Variants in KCTD3 observed in about 807,000 individuals in gnomAD.
KCTD3 encodes the protein BTB/POZ domain-containing protein KCTD3.
KCTD3 carries 41 observed loss-of-function variants against 85.8 expected under a neutral mutation model. That is an observed-to-expected ratio of 0.48 (90% CI 0.37 to 0.62). The LOEUF (loss-of-function observed/expected upper bound fraction) is 0.62. Among genes scored for constraint, KCTD3 ranks in the 20% least tolerant of loss-of-function variants. The pLI is 0.00. For missense variants in KCTD3, 724 were observed against 989.9 expected, an observed-to-expected ratio of 0.73 and a Z score of 3.60; for synonymous variants, 338 against 345.4, an observed-to-expected ratio of 0.98 and a Z score of 0.24.
chr1:215,579,151 A>G lies in KCTD3; in HGVS notation c.535+14A>G. On this transcript the variant is annotated intron_variant, in intron 7 of 17. Transcript: ENST00000259154. The stretch of plus-strand genomic sequence containing the variant: ...CTGTTAGGCTAGGTAAGCAAAGATT[A>G]CAGAAATAGAAAAAGAAAAATACGT... 1 of 1,605,494 alleles carries G rather than the reference A, an allele frequency of 6.2e-7. No individual in the cohort carries two copies. Among genetic ancestry groups the G allele is most frequent in the Non-Finnish European group, 8.5e-7 (1 of 1,175,066 alleles).
rs1655103308 is a variant in KCTD3, at chr1:215,608,148, A to G, written c.1441A>G (p.Ser481Gly). ...CCTGGAGGAGACAGAAAGTCATGGT[A>G]GCTATTCCTCTGGAAATGACATAGG... ...LSLEETESHG[S>G]YSSGNDIGPF... The change falls in exon 14 of 18, where the codon AGC becomes GGC. Residue 481 changes from serine (S) to glycine (G), a missense_variant. Physicochemically the swap from Ser to Gly is moderately conservative, Grantham distance 56 (BLOSUM62 0). This residue lies in a region of KCTD3 where 136 missense variants were observed against 197.6 expected (regional missense o/e 0.69). Transcript: ENST00000259154. The G allele has an allele frequency of 1.9e-6, 3 of 1,611,136 alleles. No individual in the cohort carries two copies. Among genetic ancestry groups the G allele is most frequent in the Non-Finnish European group, 2.5e-6 (3 of 1,178,450 alleles).
At chr1:215,611,407 T>G (rs1655231975) in intron 14 of KCTD3, among the ~76,000 whole-genome samples, 1 of 151,972 alleles carries the variant, frequency 6.6e-6, no homozygotes, top group Non-Finnish European at 1.5e-5. Context: ...ACTTTATATT[T>G]TAAGATTTTG....
At position 215,577,696 on chromosome 1, in the gene KCTD3, A is replaced by T; in HGVS notation, c.284A>T (p.His95Leu). ...GGAGTGAGTATTAATGTTCTCAGGC[A>T]TGAAGCAGAATTTTACGGGATCACT... is the stretch of plus-strand genomic sequence containing the variant. ...LRGVSINVLR[H>L]EAEFYGITPL... The change falls in exon 5 of 18, where the codon CAT becomes CTT. Residue 95 changes from histidine to leucine, a missense_variant. This residue lies in a region of KCTD3 where 17 missense variants were observed against 40.4 expected (regional missense o/e 0.42). Coordinates refer to ENST00000259154, the MANE Select transcript of KCTD3 (RefSeq NM_016121.5). 1 of 1,601,236 alleles carries T rather than the reference A, an allele frequency of 6.2e-7. No individual in the cohort carries two copies. Among genetic ancestry groups the T allele is most frequent in the Non-Finnish European group, 8.6e-7 (1 of 1,168,436 alleles).
At position 215,574,138 on chromosome 1, in the gene KCTD3, A is replaced by T; in HGVS notation, c.183+20A>T. On this transcript the variant is annotated intron_variant, in intron 3 of 17. Transcript: ENST00000259154. Reference sequence around the variant, plus strand: ...GGTGCTGTGAGTATAATAATAATTGATACATATTCCTAAATTAATGCTTAT... The same window carrying T: ...GGTGCTGTGAGTATAATAATAATTGTTACATATTCCTAAATTAATGCTTAT... 1 of 1,486,754 alleles carries T rather than the reference A, an allele frequency of 6.7e-7. No homozygotes were observed. 92.1% of individuals were successfully genotyped at this position (1,486,754 alleles called of 1,614,324 possible).
Position 215,616,901 on chromosome 1 carries a change from T to C in KCTD3, c.1563-1985T>C, listed in dbSNP as rs183510954. 2.6e-3 allele frequency among the ~76,000 whole-genome samples: 399 copies of C among 152,368 alleles called. 1 individual carries two copies. Among genetic ancestry groups the C allele is most frequent in the African/African-American group, 9.2e-3 (381 of 41,592 alleles). ...TCTTTTTGTATGCCAATGAGTTGAC[T>C]GATGGCAGGTCACCAGAAAGACCAA... On this transcript the variant is annotated intron_variant, in intron 15 of 17. Transcript: ENST00000259154.
At chr1:215,619,103 A>G in intron 16 of KCTD3, 33 bp downstream of exon 16, 1 of 1,608,480 alleles carries the variant, frequency 6.2e-7, no homozygotes, top group Non-Finnish European at 8.5e-7. Flanking sequence ...GTTTGTCACA[A>G]GGTTAAGCTT....
rs776153201 is a variant in KCTD3 at position 215,619,153 on chromosome 1, A to G, written c.1748A>G (p.Asp583Gly). The G allele has an allele frequency of 6.8e-6, 11 of 1,613,506 alleles. No homozygotes were observed. The highest frequency in any genetic ancestry group is 9.3e-6 in the Non-Finnish European group (11 of 1,179,718). Residue 583 changes from aspartate (D) to glycine (G), a missense_variant and splice_region_variant, in exon 17 of 18, where the codon GAT becomes GGT. Asp to Gly is a moderately conservative substitution (Grantham distance 94). This residue lies in a region of KCTD3 where 136 missense variants were observed against 197.6 expected (regional missense o/e 0.69). Transcript: ENST00000259154. The stretch of plus-strand genomic sequence containing the variant: ...TTTAATGACTATTTGTTCTCCTAAG[A>G]TGTAGGTGGTCCAACCGAAGAAGAG... Reference protein sequence around the residue: ...MDMVNKSEDKDVGGPTEEELL... With the variant: ...MDMVNKSEDKGVGGPTEEELL...
In KCTD3 at chr1:215,608,058, C is replaced by T. The variant is rs762609457; in HGVS notation, c.1351C>T (p.Arg451Ter). ...TCATGTCCGGACGTGGACAGTAACA[C>T]GATTCAGAGGAATGATCTCTACTCA... ...NNHVRTWTVT[R>*]FRGMISTQPG... The change falls in exon 14 of 18, where the codon CGA becomes TGA. Residue 451 changes from arginine to a stop codon, truncating the protein, a stop_gained. Coordinates refer to ENST00000259154, the MANE Select transcript of KCTD3 (RefSeq NM_016121.5). LOFTEE classifies it high-confidence loss of function. 3 of 1,611,752 alleles carry T rather than the reference C, an allele frequency of 1.9e-6. No homozygotes were observed. The highest frequency in any genetic ancestry group is 2.2e-5 in the East Asian group (1 of 44,780).
At chr1:215,577,975 A>G in intron 5 of KCTD3, 26 bp from the exon 6 acceptor site, 1 of 1,604,836 alleles carries the variant, frequency 6.2e-7, no homozygotes, top group Non-Finnish European at 8.5e-7. Context: ...TGTACTCTTG[A>G]CAAGTTTGCT....
chr1:215,570,042 G>C (rs1364786415), intron 1 of KCTD3, among the ~76,000 whole-genome samples: 1 of 152,162 alleles, frequency 6.6e-6, no homozygotes, highest in Non-Finnish European at 1.5e-5. Flanking sequence ...AGATCTAGAA[G>C]TCACCTGTAT....
chr1:215,582,333 G>T (rs558029467), intron 8 of KCTD3, among the ~76,000 whole-genome samples: 4 of 152,092 alleles, frequency 2.6e-5, no homozygotes, highest in Non-Finnish European at 5.9e-5. Flanking sequence ...AACTTGAGGT[G>T]AAGTATGTTC....
At chr1:215,586,857 A>G (rs947621413) in intron 9 of KCTD3, among the ~76,000 whole-genome samples, 172 bp downstream of exon 9, 3 of 152,316 alleles carry the variant, frequency 2.0e-5, no homozygotes, top group Non-Finnish European at 1.5e-5. Flanking sequence ...ATGTTTTAGA[A>G]AAGACATGGG....
chr1:215,578,940 T>C, intron 6 of KCTD3, 60 bp from the exon 7 acceptor site: 1 of 1,204,962 alleles, frequency 8.3e-7, no homozygotes, highest in Non-Finnish European at 1.1e-6. Context: ...CACAATGTGA[T>C]ATTTTTAATT....
At position 215,603,989 on chromosome 1, in the gene KCTD3, T is replaced by C. The variant is rs536247885; in HGVS notation, c.1139-143T>C. 10 of 551,190 alleles carry C rather than the reference T, an allele frequency of 1.8e-5. No individual in the cohort carries two copies. The East Asian group carries it at 3.0e-4, about 17-fold the overall frequency. The allele number at this position is 551,190 out of a possible 1,614,324, so 34.1% of individuals were successfully genotyped here. The stretch of plus-strand genomic sequence containing the variant: ...AAGATGACCGGAGAAGTCTTAAGAT[T>C]TTTTTTTTTACTGAACTGGATTTGG... On this transcript the variant is annotated intron_variant, in intron 12 of 17. Transcript: ENST00000259154.
chr1:215,584,917 ATACTT>A (rs1004246346), intron 8 of KCTD3, among the ~76,000 whole-genome samples: 1 of 152,238 alleles, frequency 6.6e-6, no homozygotes, highest in African/African-American at 2.4e-5. Flanking sequence ...TTATAAGAGT[ATACTT>A]TACTCAGTTG....
rs202013188 is a variant in KCTD3, at chr1:215,620,586, A to C, written c.2416A>C (p.Ser806Arg). The C allele has an allele frequency of 9.5e-5, 152 of 1,607,294 alleles. No individual in the cohort carries two copies. Among genetic ancestry groups the C allele is most frequent in the Non-Finnish European group, 1.2e-4 (146 of 1,177,666 alleles). The change falls in exon 18 of 18, where the codon AGT becomes CGT. Residue 806 changes from serine to arginine, a missense_variant. By Grantham distance (110) the Ser-to-Arg change is moderately radical. Around this residue, in one of 6 missense-constraint regions of KCTD3, gnomAD observed 222 missense variants for 217.7 expected, o/e 1.02. Transcript: ENST00000259154. ...KTTPSPRHKK[S>R]DSSGQEYSL ...TACTCCATCTCCTCGGCATAAAAAAAGTGATTCTTCAGGTCAGGAGTACAG... is the reference window on the plus strand; with the variant it reads ...TACTCCATCTCCTCGGCATAAAAAACGTGATTCTTCAGGTCAGGAGTACAG...
intron 12 of KCTD3, 132 bp downstream of exon 12, chr1:215,602,333 C>G: frequency 7.9e-6 from 4 of 506,316 alleles, no homozygotes; most frequent in Non-Finnish European, 1.4e-5. Context: ...TTCATCTCTA[C>G]TAAGTCTAAA....
At chr1:215,579,838 C>G in intron 7 of KCTD3, 71 bp from the exon 8 acceptor site, 1 of 1,047,074 alleles carries the variant, frequency 9.6e-7, no homozygotes, top group African/African-American at 1.6e-5. Flanking sequence ...AAGGCTGAAA[C>G]TGGCCTGGTG....
At chr1:215,619,367 A>G in intron 17 of KCTD3, 76 bp downstream of exon 17, 2 of 1,230,536 alleles carry the variant, frequency 1.6e-6, no homozygotes, top group Non-Finnish European at 2.3e-6. Context: ...GTAATCACAT[A>G]GTTGTTCTAG....
Sources: gnomAD v4.1 joint callset for allele counts (sites outside exome capture counted in the v4.1 genomes callset) on GRCh38, gnomAD v4.1.1 for gene constraint, gnomAD v4.1.1 regional missense constraint, MANE v1.5 for transcripts, NCBI Gene and HGNC (gene_info 2026-07-23, HGNC 2026-07-21) for gene names.